LGMN: variants seen among roughly 807,000 people sequenced by gnomAD.
LGMN encodes asparaginyl endopeptidase.
Under a neutral mutation model 56.8 loss-of-function variants are expected in LGMN, and 36 were observed. That is an observed-to-expected ratio of 0.63 (90% CI 0.49 to 0.84). The LOEUF (loss-of-function observed/expected upper bound fraction) is 0.84, where lower values mean the gene tolerates loss of function less well. Among genes scored for constraint, LGMN ranks in the 40% least tolerant of loss-of-function variants. The pLI is 0.00. For synonymous variants in LGMN, 199 were observed against 210.1 expected (o/e 0.95, Z 0.46); for missense variants, 446 against 556.1 (o/e 0.80, Z 1.99).
In LGMN at chr14:92,719,320, GCCGCCACCGCCACCGCCATCA is replaced by G. The variant is rs1343352994; in HGVS notation, c.139-497_139-477del. ...CGCCGCCACCGCCGCCACCGCCGCCGCCGCCACCGCCACCGCCATCACCGCCACCACCACCAACACCACCAC... is the reference window on the plus strand; with the variant it reads ...CGCCGCCACCGCCGCCACCGCCGCCGCCGCCACCACCACCAACACCACCAC... On this transcript the variant is annotated intron_variant, in intron 2 of 13. Transcript: ENST00000334869. Among the ~76,000 whole-genome samples, 17 of 49,244 alleles carry G rather than the reference GCCGCCACCGCCACCGCCATCA, an allele frequency of 3.5e-4. 1 individual carries two copies. Among genetic ancestry groups the G allele is most frequent in the South Asian group, 2.2e-3 (3 of 1,356 alleles). 32.3% of individuals were successfully genotyped at this position (49,244 alleles called of 152,430 possible). A position where few individuals can be genotyped will look rare whatever the true frequency, so the allele number is the denominator to read the frequency against.
chr14:92,727,355 G>A (rs867783003), intron 2 of LGMN, among the ~76,000 whole-genome samples: 6 of 151,238 alleles, frequency 4.0e-5, no homozygotes, highest in Non-Finnish European at 5.9e-5. Flanking sequence ...GATTGAACCC[G>A]GGAGGTGGAT....
At chr14:92,724,102 T>C (rs1890629103) in intron 2 of LGMN, among the ~76,000 whole-genome samples, 2 of 152,184 alleles carry the variant, frequency 1.3e-5, no homozygotes, top group Non-Finnish European at 2.9e-5. Flanking sequence ...ACTTGGTAAA[T>C]TTACTAAAAA....
At chr14:92,706,356 G>T in intron 12 of LGMN, 127 bp downstream of exon 12, 1 of 756,232 alleles carries the variant, frequency 1.3e-6, no homozygotes, top group Non-Finnish European at 2.0e-6. Flanking sequence ...CTTCCTCTCT[G>T]AAATGAGCCC....
chr14:92,705,540 G>A (rs1889387672), intron 12 of LGMN, among the ~76,000 whole-genome samples: 2 of 152,030 alleles, frequency 1.3e-5, no homozygotes, highest in Non-Finnish European at 2.9e-5. Context: ...GACTGGAGGG[G>A]TAAAGTCGAG....
At chr14:92,746,363 TA>T (rs146042349) in intron 1 of LGMN, among the ~76,000 whole-genome samples, 1 of 151,212 alleles carries the variant, frequency 6.6e-6, no homozygotes, top group Admixed American at 6.6e-5. Context: ...CTTGTGCAGT[TA>T]AAAAAAAAGA....
At chr14:92,705,240 G>A (rs943218917) in intron 12 of LGMN, among the ~76,000 whole-genome samples, 1 of 152,202 alleles carries the variant, frequency 6.6e-6, no homozygotes, top group Non-Finnish European at 1.5e-5. Context: ...GGTGGCTCAT[G>A]CTTGTAATCC....
chr14:92,707,580 T>G (rs141867610), intron 11 of LGMN, among the ~76,000 whole-genome samples: 4 of 152,268 alleles, frequency 2.6e-5, no homozygotes, highest in Admixed American at 2.6e-4. Context: ...TACTCCCACA[T>G]GTAAAGCAAT....
intron 3 of LGMN, among the ~76,000 whole-genome samples, chr14:92,718,075 A>G (rs980111488): frequency 1.5e-4 from 23 of 152,236 alleles, no homozygotes; most frequent in African/African-American, 5.3e-4. Context: ...AGAAGGTAGT[A>G]GGAGTATCTA....
intron 7 of LGMN, 86 bp downstream of exon 7, chr14:92,713,737 A>AGGACGGTCACGGGACTGTGGGCTC: frequency 2.2e-6 from 2 of 904,790 alleles, no homozygotes; most frequent in Non-Finnish European, 3.7e-6. Flanking sequence ...CCACAGTTGG[A>AGGACGGTCACGGGACTGTGGGCTC]GGACGGTCAC....
At chr14:92,726,228 G>T (rs1328360037) in intron 2 of LGMN, among the ~76,000 whole-genome samples, 2 of 149,038 alleles carry the variant, frequency 1.3e-5, no homozygotes, top group African/African-American at 5.0e-5. Context: ...CAAGATTGAG[G>T]CTCTGTCTCA....
chr14:92,747,867 T>C (rs1419198848), intron 1 of LGMN, among the ~76,000 whole-genome samples: 2 of 152,140 alleles, frequency 1.3e-5, no homozygotes, highest in African/African-American at 4.8e-5. Flanking sequence ...ATGCTTGGCA[T>C]AGAACACTCC....
At position 92,704,521 on chromosome 14, in the gene LGMN, A is replaced by G. The variant is rs114679559; in HGVS notation, c.1259+119T>C. On this transcript the variant is annotated intron_variant, in intron 13 of 13. Transcript: ENST00000334869. Reference sequence around the variant, plus strand: ...GGACCCTGCTGACAAATGGCTGTAGAGGAAAGCTGGAGGGAGCTCCTGGCA... The same window carrying G: ...GGACCCTGCTGACAAATGGCTGTAGGGGAAAGCTGGAGGGAGCTCCTGGCA... 1,951 of 1,084,118 alleles carry G rather than the reference A, an allele frequency of 1.8e-3. 29 individuals are homozygous for G. In the African/African-American group the frequency reaches 0.026, roughly 14 times the overall value. The allele number at this position is 1,084,118 out of a possible 1,614,324, so 67.2% of individuals were successfully genotyped here.
intron 1 of LGMN, chr14:92,741,799 G>C (rs1891567779): frequency 6.6e-6 from 1 of 152,266 alleles, no homozygotes; most frequent in Non-Finnish European, 1.5e-5. Context: ...GGAAGCAGCG[G>C]TTGCAGTGAG....
intron 2 of LGMN, among the ~76,000 whole-genome samples, chr14:92,722,422 A>G (rs1890524354): frequency 6.6e-6 from 1 of 152,038 alleles, no homozygotes; most frequent in African/African-American, 2.4e-5. Flanking sequence ...CTCTACTAAA[A>G]ATACAAAGAA....
intron 1 of LGMN, among the ~76,000 whole-genome samples, chr14:92,743,630 A>G (rs112531863): frequency 0.063 from 9,491 of 151,584 alleles, 807 homozygotes; most frequent in African/African-American, 0.19. Context: ...GCGAAACCCC[A>G]TCTCTACTAA....
At chr14:92,706,293 C>T (rs1181892948) in intron 12 of LGMN, 190 bp downstream of exon 12, 4 of 449,206 alleles carry the variant, frequency 8.9e-6, no homozygotes, top group Non-Finnish European at 1.5e-5. Context: ...CCCACTGGGA[C>T]AAGAAGAGTG....
chr14:92,730,895 A>T lies in LGMN; in HGVS notation c.138+1754T>A, dbSNP rs144371416. ...CAGTGAGCCGAGATCGCGCCACTGC[A>T]CTCTAGCCTGGGACACAGAGCAAGA... is the stretch of plus-strand genomic sequence containing the variant. On this transcript the variant is annotated intron_variant, in intron 2 of 13. Transcript: ENST00000334869. Among the ~76,000 whole-genome samples the T allele has an allele frequency of 1.5e-3, 220 of 151,452 alleles. 3 individuals are homozygous for T. The highest frequency in any genetic ancestry group is 0.013 in the East Asian group (66 of 5,140).
intron 2 of LGMN, among the ~76,000 whole-genome samples, chr14:92,721,630 A>G (rs1371460294): frequency 2.6e-5 from 4 of 152,198 alleles, no homozygotes; most frequent in African/African-American, 7.2e-5. Flanking sequence ...CCTCCAACCA[A>G]GCAATTCTAC....
chr14:92,710,921 G>A, intron 10 of LGMN, among the ~76,000 whole-genome samples: 1 of 152,210 alleles, frequency 6.6e-6, no homozygotes, highest in Admixed American at 6.5e-5. Flanking sequence ...AACCATGGCT[G>A]GATTTACTGA....
Sources: allele counts gnomAD v4.1 joint callset (sites outside exome capture counted in the v4.1 genomes callset), GRCh38; gene constraint gnomAD v4.1.1; transcripts MANE v1.5; gene names NCBI Gene and HGNC (gene_info 2026-07-23, HGNC 2026-07-21).